The following SYN3 variants were observed in gnomAD, a reference collection of about 807,000 sequenced individuals.
SYN3 encodes the protein synapsin-3.
In SYN3, 35 loss-of-function variants were observed where a neutral mutation model predicts 65.8. The observed-to-expected ratio is 0.53, with a 90% CI of 0.41 to 0.70. SYN3 has a LOEUF of 0.70. SYN3 is among the 30% of genes least tolerant of loss of function. The probability of loss-of-function intolerance (pLI) is 0.00; values close to 1 mark genes in which losing one functional copy is unlikely to be tolerated. For missense variants in SYN3, 680 were observed against 749.0 expected, an observed-to-expected ratio of 0.91 and a Z score of 1.08; for synonymous variants, 270 against 292.9, an observed-to-expected ratio of 0.92 and a Z score of 0.80.
At chr22:32,559,930 G>A (rs997418259) in intron 7 of SYN3, among the ~76,000 whole-genome samples, 2 of 152,214 alleles carry the variant, frequency 1.3e-5, no homozygotes, top group Admixed American at 1.3e-4. Context: ...TCAAGCCTGT[G>A]CACTAAGAGG....
intron 6 of SYN3, among the ~76,000 whole-genome samples, chr22:32,653,972 G>A (rs1189491862): frequency 6.6e-6 from 1 of 152,186 alleles, no homozygotes; most frequent in African/African-American, 2.4e-5. Flanking sequence ...TGCACCATTA[G>A]TTCCTGCCTG....
At chr22:32,734,306 C>T (rs1406099668) in intron 6 of SYN3, among the ~76,000 whole-genome samples, 7 of 152,208 alleles carry the variant, frequency 4.6e-5, no homozygotes, top group South Asian at 2.1e-4. Context: ...CAACCTTATC[C>T]GCTCTATCAT....
intron 3 of SYN3, among the ~76,000 whole-genome samples, chr22:32,961,222 C>T (rs2146885256): frequency 6.6e-6 from 1 of 152,252 alleles, no homozygotes; most frequent in South Asian, 2.1e-4. Flanking sequence ...CCAAATGTCT[C>T]CTGTTGGGGG....
At chr22:32,559,807 G>A (rs565796240) in intron 7 of SYN3, among the ~76,000 whole-genome samples, 1 of 148,548 alleles carries the variant, frequency 6.7e-6, no homozygotes, top group East Asian at 2.0e-4. Flanking sequence ...TCCAGCCTGG[G>A]AGACAGAGCG....
intron 6 of SYN3, among the ~76,000 whole-genome samples, chr22:32,609,058 C>T (rs534599101): frequency 1.3e-5 from 2 of 152,146 alleles, no homozygotes; most frequent in South Asian, 4.2e-4. Context: ...GGCCTGGTGG[C>T]TCACACCTGT....
At chr22:33,048,490 T>G (rs76099980) in intron 1 of SYN3, among the ~76,000 whole-genome samples, 12,313 of 152,186 alleles carry the variant, frequency 0.081, 748 homozygotes, top group East Asian at 0.29. Flanking sequence ...GGTGGATCCC[T>G]CATGAATGGC....
At chr22:32,891,307 G>A (rs1601633196) in intron 4 of SYN3, among the ~76,000 whole-genome samples, 1 of 152,152 alleles carries the variant, frequency 6.6e-6, no homozygotes, top group African/African-American at 2.4e-5. Flanking sequence ...CTAAAGCCAC[G>A]TCTTAAGCAC....
rs547941846 is a variant in SYN3 at position 32,917,302 on chromosome 22, G to A, written c.461+14088C>T. ...CAATATTAAGCTGTGTCAACCAGGT[G>A]GAAGGATCGTGTGATATGAAATCAT... On this transcript the variant is annotated intron_variant, in intron 4 of 13. Coordinates refer to ENST00000358763, the MANE Select transcript of SYN3 (RefSeq NM_003490.4). Among the ~76,000 whole-genome samples the A allele has an allele frequency of 7.2e-5, 11 of 152,228 alleles. No individual in the cohort carries two copies. In the East Asian group the frequency reaches 1.9e-3, roughly 27 times the overall value.
At chr22:32,807,582 A>G (rs2046799503) in intron 6 of SYN3, among the ~76,000 whole-genome samples, 1 of 149,840 alleles carries the variant, frequency 6.7e-6, no homozygotes, top group African/African-American at 2.4e-5. Context: ...GAGGTGTGCT[A>G]TTGTCATCTC....
intron 9 of SYN3, 114 bp from the exon 10 acceptor site, chr22:32,534,009 A>G (rs1274861497): frequency 3.0e-6 from 2 of 658,954 alleles, no homozygotes; most frequent in Non-Finnish European, 5.5e-6. Context: ...TGACTCACAC[A>G]TCCAGACGGC....
chr22:32,842,373 G>A (rs1010659339), intron 6 of SYN3, among the ~76,000 whole-genome samples: 2 of 152,066 alleles, frequency 1.3e-5, no homozygotes, highest in African/African-American at 2.4e-5. Context: ...CCTTAGTTCC[G>A]AAGGCCCTTT....
intron 12 of SYN3, among the ~76,000 whole-genome samples, chr22:32,527,129 C>T (rs1164588335): frequency 6.6e-6 from 1 of 152,158 alleles, no homozygotes; most frequent in Non-Finnish European, 1.5e-5. Flanking sequence ...GGAGGAATTT[C>T]AATGGCCAAG....
At chr22:32,516,346 G>GATTGATTGATTT (rs779603620) in intron 13 of SYN3, among the ~76,000 whole-genome samples, 109 of 149,950 alleles carry the variant, frequency 7.3e-4, no homozygotes, top group African/African-American at 2.6e-3. Flanking sequence ...ATACATCTTT[G>GATTGATTGATTT]ATTTATTTAT....
At chr22:32,764,764 T>A (rs1474583472) in intron 6 of SYN3, among the ~76,000 whole-genome samples, 2 of 152,192 alleles carry the variant, frequency 1.3e-5, no homozygotes, top group Admixed American at 1.3e-4. Flanking sequence ...AAGGCGTGAA[T>A]CTGAACTCAG....
At chr22:32,558,036 C>T (rs2058528526) in intron 7 of SYN3, among the ~76,000 whole-genome samples, 1 of 152,176 alleles carries the variant, frequency 6.6e-6, no homozygotes, top group Non-Finnish European at 1.5e-5. Flanking sequence ...TATTTATTTG[C>T]TTGCTTTTGC....
chr22:32,527,278 T>C (rs1250915710), intron 12 of SYN3, among the ~76,000 whole-genome samples: 2 of 152,248 alleles, frequency 1.3e-5, no homozygotes, highest in African/African-American at 4.8e-5. Context: ...CTTGTAAATC[T>C]ACCATTTTCT....
chr22:32,582,225 C>G (rs767992880), intron 7 of SYN3, among the ~76,000 whole-genome samples: 5 of 152,206 alleles, frequency 3.3e-5, no homozygotes, highest in Non-Finnish European at 5.9e-5. Flanking sequence ...TGCCTGGTCC[C>G]TTGGGCATCT....
chr22:32,824,465 GCAC>G (rs2047344284), intron 6 of SYN3, among the ~76,000 whole-genome samples: 1 of 151,888 alleles, frequency 6.6e-6, no homozygotes. Flanking sequence ...ATAGGGACTG[GCAC>G]CACCAGAGAC....
intron 6 of SYN3, among the ~76,000 whole-genome samples, chr22:32,649,707 T>A (rs983025159): frequency 2.0e-5 from 3 of 152,094 alleles, no homozygotes; most frequent in Non-Finnish European, 2.9e-5. Context: ...AATCTAGAAT[T>A]GTGACAACAC....
Sources: allele counts gnomAD v4.1 joint callset (sites outside exome capture counted in the v4.1 genomes callset), GRCh38; gene constraint gnomAD v4.1.1; transcripts MANE v1.5; gene names NCBI Gene and HGNC (gene_info 2026-07-23, HGNC 2026-07-21).